Variants in SSBP2 observed in about 807,000 individuals in gnomAD.
SSBP2 encodes single stranded DNA binding protein 2.
Under a neutral mutation model 61.8 loss-of-function variants are expected in SSBP2, and 17 were observed. The observed-to-expected ratio is 0.28, with a 90% CI of 0.19 to 0.41. The LOEUF is 0.41. Among genes scored for constraint, SSBP2 ranks in the 10% least tolerant of loss-of-function variants. SSBP2 has a pLI of 1.00. For missense variants in SSBP2, 310 were observed against 458.7 expected (o/e 0.68, Z 2.96); for synonymous variants, 139 against 141.3 (o/e 0.98, Z 0.12).
At chr5:81,497,688 G>A (rs920806406) in intron 5 of SSBP2, among the ~76,000 whole-genome samples, 6 of 152,000 alleles carry the variant, frequency 3.9e-5, no homozygotes, top group African/African-American at 1.4e-4. Flanking sequence ...ACAAAGAGCT[G>A]GGGACCCCAA....
intron 4 of SSBP2, among the ~76,000 whole-genome samples, chr5:81,607,594 C>A (rs1162088265): frequency 2.0e-5 from 3 of 152,060 alleles, no homozygotes; most frequent in African/African-American, 4.8e-5. Context: ...GAGAGATTTC[C>A]CTACCTATTA....
chr5:81,671,945 T>C lies in SSBP2; in HGVS notation c.63-21606A>G, dbSNP rs534369837. ...AGAATAATAGCATGAAAGAATTATC[T>C]ACACTATATGTGACAGTGGTTGCCA... On this transcript the variant is annotated intron_variant, in intron 1 of 16. Coordinates refer to ENST00000320672, the MANE Select transcript of SSBP2 (RefSeq NM_012446.5). Among the ~76,000 whole-genome samples, 6 of 152,278 alleles carry C rather than the reference T, an allele frequency of 3.9e-5. No homozygotes were observed. In the South Asian group the frequency reaches 1.2e-3, roughly 32 times the overall value.
chr5:81,570,691 T>C (rs1316088839), intron 4 of SSBP2, among the ~76,000 whole-genome samples: 1 of 130,900 alleles, frequency 7.6e-6, no homozygotes, highest in Non-Finnish European at 1.6e-5. Context: ...CGTAAAATAA[T>C]TAAAATTTTT....
chr5:81,613,509 AG>A (rs1235917913), intron 4 of SSBP2, among the ~76,000 whole-genome samples: 1 of 152,250 alleles, frequency 6.6e-6, no homozygotes. Flanking sequence ...CAAGGCTTTT[AG>A]AAAGAGCTGC....
rs1281518383 is a variant in SSBP2, at chr5:81,440,759, A to G, written c.850-123T>C. 3 of 654,296 alleles carry G rather than the reference A, an allele frequency of 4.6e-6. No individual in the cohort carries two copies. The Admixed American group carries it at 1.0e-4, about 22-fold the overall frequency. The allele number at this position is 654,296 out of a possible 1,614,324, so 40.5% of individuals were successfully genotyped here. On this transcript the variant is annotated intron_variant, in intron 13 of 16. Transcript: ENST00000320672. The stretch of plus-strand genomic sequence containing the variant: ...TTATTTTTACTTTCAAGCTATGGAG[A>G]TCTTTTACTTGATGTTTTTCAGCCT...
chr5:81,688,054 C>T, intron 1 of SSBP2, among the ~76,000 whole-genome samples: 1 of 152,108 alleles, frequency 6.6e-6, no homozygotes, highest in East Asian at 1.9e-4. Flanking sequence ...GGCCCTGGGT[C>T]CAGGCCTTGG....
At chr5:81,708,412 T>C (rs187385821) in intron 1 of SSBP2, among the ~76,000 whole-genome samples, 2 of 152,266 alleles carry the variant, frequency 1.3e-5, no homozygotes, top group East Asian at 3.9e-4. Context: ...GATAAAGCAT[T>C]AAACAATATA....
chr5:81,695,477 C>T (rs1176125736), intron 1 of SSBP2, among the ~76,000 whole-genome samples: 4 of 151,080 alleles, frequency 2.6e-5, no homozygotes, highest in African/African-American at 7.3e-5. Context: ...TTAGGTATTT[C>T]TCTTAATGCT....
At chr5:81,436,137 G>A (rs987412094) in intron 15 of SSBP2, among the ~76,000 whole-genome samples, 2 of 140,520 alleles carry the variant, frequency 1.4e-5, no homozygotes, top group African/African-American at 5.4e-5. Flanking sequence ...GCAGTGGGCC[G>A]AGATTGCACC....
chr5:81,643,370 A>T (rs2921499), intron 2 of SSBP2, among the ~76,000 whole-genome samples: 29,714 of 152,020 alleles, frequency 0.2, 4,257 homozygotes, highest in East Asian at 0.64. Context: ...CCAAAGAATA[A>T]CTTTTAATAC....
intron 1 of SSBP2, among the ~76,000 whole-genome samples, chr5:81,690,073 C>T (rs1002523475): frequency 1.3e-5 from 2 of 151,566 alleles, no homozygotes; most frequent in African/African-American, 4.8e-5. Flanking sequence ...TTTCTGGTAA[C>T]CTCAAATCAA....
chr5:81,475,402 T>C (rs906282716), intron 6 of SSBP2, among the ~76,000 whole-genome samples: 2 of 152,148 alleles, frequency 1.3e-5, no homozygotes, highest in Non-Finnish European at 2.9e-5. Context: ...CAGAACTGTT[T>C]CCTAAATTGT....
At chr5:81,482,921 G>A (rs1766101314) in intron 6 of SSBP2, among the ~76,000 whole-genome samples, 1 of 152,084 alleles carries the variant, frequency 6.6e-6, no homozygotes, top group African/African-American at 2.4e-5. Context: ...TAAAGTGAGC[G>A]ATGTGCGACT....
chr5:81,642,875 G>T (rs1748913715), intron 2 of SSBP2, among the ~76,000 whole-genome samples: 1 of 152,072 alleles, frequency 6.6e-6, no homozygotes, highest in African/African-American at 2.4e-5. Context: ...AAGAAAAAAT[G>T]ATATAGATGT....
Position 81,734,371 on chromosome 5 carries a change from C to G in SSBP2, c.62+16610G>C, listed in dbSNP as rs1332238149. On this transcript the variant is annotated intron_variant, in intron 1 of 16. Transcript: ENST00000320672. Reference sequence around the variant, plus strand: ...TATTTTTCACTTTGGTTTTAGTTTGCAGTTTGACACAATTTCTCAGGTATA... The same window carrying G: ...TATTTTTCACTTTGGTTTTAGTTTGGAGTTTGACACAATTTCTCAGGTATA... Among the ~76,000 whole-genome samples, 6 of 152,176 alleles carry G rather than the reference C, an allele frequency of 3.9e-5. No individual in the cohort carries two copies. In the East Asian group the frequency reaches 1.2e-3, roughly 29 times the overall value.
intron 9 of SSBP2, among the ~76,000 whole-genome samples, chr5:81,462,565 T>A (rs899607433): frequency 1.4e-4 from 22 of 152,174 alleles, no homozygotes; most frequent in African/African-American, 4.3e-4. Flanking sequence ...GTATTGATTG[T>A]CTTTGGAAAT....
chr5:81,725,729 G>C (rs1347678720), intron 1 of SSBP2, among the ~76,000 whole-genome samples: 1 of 152,074 alleles, frequency 6.6e-6, no homozygotes, highest in Non-Finnish European at 1.5e-5. Context: ...GATGTTTTTG[G>C]CACTGAAATA....
chr5:81,710,714 G>C (rs1055704652), intron 1 of SSBP2: 3 of 454,872 alleles, frequency 6.6e-6, no homozygotes, highest in Non-Finnish European at 1.3e-5. Flanking sequence ...GAGGGCTGAG[G>C]GGATCACAAG....
At chr5:81,487,673 T>C (rs2154048320) in intron 6 of SSBP2, among the ~76,000 whole-genome samples, 2 of 152,122 alleles carry the variant, frequency 1.3e-5, no homozygotes, top group South Asian at 4.1e-4. Flanking sequence ...TATAATGTGA[T>C]GATTTGACAT....
Sources: allele counts gnomAD v4.1 joint callset (sites outside exome capture counted in the v4.1 genomes callset), GRCh38; gene constraint gnomAD v4.1.1; transcripts MANE v1.5; gene names NCBI Gene and HGNC (gene_info 2026-07-23, HGNC 2026-07-21).